The following PAK1 variants were observed in gnomAD, a reference collection of about 807,000 sequenced individuals.
PAK1 encodes the protein p21 (RAC1) activated kinase 1.
Under a neutral mutation model 67.4 loss-of-function variants are expected in PAK1, and 29 were observed. That is an observed-to-expected ratio of 0.43 (90% confidence interval 0.32 to 0.59). The LOEUF is 0.59. Among genes scored for constraint, PAK1 ranks in the 20% least tolerant of loss-of-function variants. The pLI, the probability that PAK1 is intolerant of heterozygous loss-of-function variation, is 0.07. For synonymous variants in PAK1, 223 were observed against 237.4 expected (o/e 0.94, Z 0.56); for missense variants, 337 against 670.7 (o/e 0.50, Z 5.50).
intron 1 of PAK1, among the ~76,000 whole-genome samples, chr11:77,454,060 T>C (rs187497095): frequency 9.3e-4 from 142 of 152,324 alleles, no homozygotes; most frequent in Non-Finnish European, 1.5e-3. Flanking sequence ...CGAGACCTTG[T>C]CTTGAAAAAT....
intron 1 of PAK1, among the ~76,000 whole-genome samples, chr11:77,430,710 G>C (rs1006260923): frequency 6.6e-6 from 1 of 152,206 alleles, no homozygotes; most frequent in African/African-American, 2.4e-5. Flanking sequence ...TAATCTCTTT[G>C]AACTGGAATT....
intron 8 of PAK1, chr11:77,349,528 G>T: frequency 2.1e-6 from 1 of 481,360 alleles, no homozygotes; most frequent in Non-Finnish European, 3.8e-6. Context: ...GTACCTACTA[G>T]GTAGGATCTT....
chr11:77,412,765 T>C (rs553044104), intron 1 of PAK1, among the ~76,000 whole-genome samples: 108 of 152,338 alleles, frequency 7.1e-4, no homozygotes, highest in African/African-American at 2.4e-3. Flanking sequence ...CTAGGTACTT[T>C]ATAAATGTTA....
At chr11:77,384,938 ATATT>A (rs1197596625) in intron 2 of PAK1, among the ~76,000 whole-genome samples, 4 of 152,240 alleles carry the variant, frequency 2.6e-5, no homozygotes, top group African/African-American at 9.6e-5. Context: ...GTAATTTACT[ATATT>A]AAGAAAATAA....
At chr11:77,419,364 T>C (rs1373821637) in intron 1 of PAK1, among the ~76,000 whole-genome samples, 1 of 152,216 alleles carries the variant, frequency 6.6e-6, no homozygotes, top group Non-Finnish European at 1.5e-5. Flanking sequence ...GTTTTCAAAG[T>C]AAATAATTAA....
chr11:77,434,098 A>C (rs1329026039), intron 1 of PAK1, among the ~76,000 whole-genome samples: 1 of 152,210 alleles, frequency 6.6e-6, no homozygotes, highest in Non-Finnish European at 1.5e-5. Context: ...AAAAAGTTAA[A>C]CATAGAGTTA....
At chr11:77,525,138 A>G in the PAK1 span, among the ~76,000 whole-genome samples, 2 of 151,166 alleles carry the variant, frequency 1.3e-5, no homozygotes, top group African/African-American at 4.9e-5. Flanking sequence ...TTAGCCCAGG[A>G]GTTTGAGACC....
At chr11:77,444,299 A>AAG in intron 1 of PAK1, among the ~76,000 whole-genome samples, 1 of 151,562 alleles carries the variant, frequency 6.6e-6, no homozygotes, top group East Asian at 1.9e-4. Context: ...AAAAAAAAAA[A>AAG]AAAAAACCCG....
intron 1 of PAK1, among the ~76,000 whole-genome samples, chr11:77,393,980 G>A (rs1477994234): frequency 6.6e-6 from 1 of 152,166 alleles, no homozygotes; most frequent in African/African-American, 2.4e-5. Context: ...TCCAGCCTGG[G>A]TGACAGAGGG....
At chr11:77,423,604 C>CTAA (rs1164033872) in intron 1 of PAK1, among the ~76,000 whole-genome samples, 3 of 152,134 alleles carry the variant, frequency 2.0e-5, no homozygotes, top group Admixed American at 6.5e-5. Flanking sequence ...GAAACTCAAA[C>CTAA]TAATACTCAC....
At chr11:77,526,699 C>T in the PAK1 span, among the ~76,000 whole-genome samples, 9 of 152,062 alleles carry the variant, frequency 5.9e-5, no homozygotes, top group African/African-American at 9.7e-5. Context: ...GGGCGGATCA[C>T]GAGGTCAGGA....
chr11:77,427,595 C>A (rs920734097), intron 1 of PAK1, among the ~76,000 whole-genome samples: 12 of 152,108 alleles, frequency 7.9e-5, no homozygotes, highest in African/African-American at 2.9e-4. Context: ...ACTTCACCAT[C>A]CAAAATTCAT....
At chr11:77,467,324 AT>A (rs1390873479) in intron 1 of PAK1, among the ~76,000 whole-genome samples, 6 of 151,958 alleles carry the variant, frequency 3.9e-5, no homozygotes, top group Admixed American at 3.3e-4. Context: ...TATTTTTGTC[AT>A]TTTTTGTCTC....
chr11:77,508,826 A>ATT, the PAK1 span, among the ~76,000 whole-genome samples: 2 of 150,592 alleles, frequency 1.3e-5, no homozygotes, highest in South Asian at 4.2e-4. Flanking sequence ...TGCCCGGCTA[A>ATT]TTTTTTTGTA....
At chr11:77,443,403 A>G (rs1196304919) in intron 1 of PAK1, among the ~76,000 whole-genome samples, 1 of 152,116 alleles carries the variant, frequency 6.6e-6, no homozygotes, top group Non-Finnish European at 1.5e-5. Flanking sequence ...CACCACAAGG[A>G]GATGGCTCTG....
At chr11:77,464,303 A>C (rs571004784) in intron 1 of PAK1, among the ~76,000 whole-genome samples, 9 of 152,334 alleles carry the variant, frequency 5.9e-5, no homozygotes, top group Non-Finnish European at 8.8e-5. Context: ...TTTATCATGC[A>C]CATCTCAGTT....
intron 7 of PAK1, 120 bp from the exon 8 acceptor site, chr11:77,353,719 A>T (rs1945606295): frequency 1.3e-6 from 1 of 749,648 alleles, no homozygotes; most frequent in Admixed American, 2.1e-5. Flanking sequence ...ATAGCCAAAA[A>T]GCATGCTAAA....
chr11:77,378,690 T>A (rs1169821825), intron 4 of PAK1, among the ~76,000 whole-genome samples: 1 of 152,142 alleles, frequency 6.6e-6, no homozygotes, highest in African/African-American at 2.4e-5. Context: ...CAGGCTCAAG[T>A]GATCCCTTCT....
At chr11:77,341,391 C>A (rs951462700) in intron 10 of PAK1, among the ~76,000 whole-genome samples, 2 of 152,214 alleles carry the variant, frequency 1.3e-5, no homozygotes, top group Admixed American at 1.3e-4. Flanking sequence ...ATTATGCTGA[C>A]AATTGACCTC....
Sources: allele counts gnomAD v4.1 joint callset (sites outside exome capture counted in the v4.1 genomes callset), GRCh38; gene constraint gnomAD v4.1.1; transcripts MANE v1.5; gene names NCBI Gene and HGNC (gene_info 2026-07-23, HGNC 2026-07-21).